Variants in RIC8B observed in about 807,000 individuals in gnomAD.
The protein encoded by RIC8B is RIC8 guanine nucleotide exchange factor B.
In RIC8B, 16 loss-of-function variants were observed where a neutral mutation model predicts 57.5. The observed-to-expected ratio is 0.28, with a 90% confidence interval of 0.19 to 0.42. The LOEUF is 0.42. Ranked by LOEUF, RIC8B falls within the 10% of genes least tolerant of loss-of-function variation. The probability of loss-of-function intolerance (pLI) is 1.00; values close to 1 mark genes in which losing one functional copy is unlikely to be tolerated. For missense variants in RIC8B, 481 were observed against 677.0 expected (o/e 0.71, Z 3.21); for synonymous variants, 216 against 250.8 (o/e 0.86, Z 1.31).
At chr12:106,799,321 G>A (rs1334467113) in intron 2 of RIC8B, among the ~76,000 whole-genome samples, 1 of 152,140 alleles carries the variant, frequency 6.6e-6, no homozygotes, top group Non-Finnish European at 1.5e-5. Context: ...GATGTAATGT[G>A]CATCAACCTC....
chr12:106,867,439 C>T lies in RIC8B; in HGVS notation c.1452-3384C>T, dbSNP rs547823676. ...ATATAATTACCCAATAAAATGTCCA[C>T]CACAATTAGTGTTCTTAAAGCATCT... On this transcript the variant is annotated intron_variant, in intron 8 of 9. Transcript: ENST00000392837. This position sits in a 1 kb window ranked among gnomAD's most constrained non-coding sequence, Gnocchi z 4.3. Among the ~76,000 whole-genome samples the T allele has an allele frequency of 4.6e-5, 7 of 152,222 alleles. No individual in the cohort carries two copies. In the South Asian group the frequency reaches 1.5e-3, roughly 32 times the overall value.
intron 9 of RIC8B, among the ~76,000 whole-genome samples, chr12:106,871,716 G>T (rs891289143): frequency 1.3e-5 from 2 of 152,108 alleles, no homozygotes; most frequent in African/African-American, 4.8e-5. Flanking sequence ...ATGCTTCTGT[G>T]TGTTGGTGGC....
chr12:106,817,334 A>G (rs1385343653), intron 3 of RIC8B, among the ~76,000 whole-genome samples: 1 of 152,190 alleles, frequency 6.6e-6, no homozygotes, highest in African/African-American at 2.4e-5. Flanking sequence ...GAGCGCACTG[A>G]TTGAGAATAC....
At chr12:106,873,093 C>A (rs957843557) in intron 9 of RIC8B, 2 of 985,130 alleles carry the variant, frequency 2.0e-6, no homozygotes, top group Non-Finnish European at 1.2e-6. Context: ...GTCTGAAATA[C>A]CCCAGCTTCC....
At chr12:106,844,510 T>C (rs1310058364) in intron 6 of RIC8B, among the ~76,000 whole-genome samples, 1 of 152,044 alleles carries the variant, frequency 6.6e-6, no homozygotes, top group African/African-American at 2.4e-5. Flanking sequence ...GAGTGGTAGA[T>C]AAAGAGAGGT....
At chr12:106,819,540 C>T (rs1593198004) in intron 3 of RIC8B, among the ~76,000 whole-genome samples, 1 of 151,764 alleles carries the variant, frequency 6.6e-6, no homozygotes, top group South Asian at 2.1e-4. Flanking sequence ...TGGCTTGAGC[C>T]CAGGAGTTTG....
At chr12:106,775,071 T>G (rs1173755482) in intron 1 of RIC8B, among the ~76,000 whole-genome samples, 1 of 152,092 alleles carries the variant, frequency 6.6e-6, no homozygotes, top group Non-Finnish European at 1.5e-5. Flanking sequence ...TGACCTCCGG[T>G]CCTCCTCTCA....
At chr12:106,870,591 T>G (rs1950360778) in intron 8 of RIC8B, among the ~76,000 whole-genome samples, 1 of 151,766 alleles carries the variant, frequency 6.6e-6, no homozygotes, top group Non-Finnish European at 1.5e-5. Flanking sequence ...AAAAAAAAGT[T>G]GGCAAGACAG....
At chr12:106,845,256 G>A (rs1009462345) in intron 6 of RIC8B, among the ~76,000 whole-genome samples, 3 of 152,096 alleles carry the variant, frequency 2.0e-5, no homozygotes, top group Non-Finnish European at 4.4e-5. Flanking sequence ...CCATTTTGAC[G>A]AGTCTACTTT....
intron 1 of RIC8B, among the ~76,000 whole-genome samples, chr12:106,781,391 C>T (rs951278288): frequency 6.6e-6 from 1 of 152,182 alleles, no homozygotes; most frequent in Non-Finnish European, 1.5e-5. Context: ...TTCCCCATTT[C>T]AGCCTTAGAA....
intron 2 of RIC8B, among the ~76,000 whole-genome samples, chr12:106,806,703 G>A (rs1317480634): frequency 4.6e-5 from 7 of 152,044 alleles, no homozygotes; most frequent in East Asian, 3.9e-4. Flanking sequence ...GGTGGTGCGC[G>A]CGTGTAATCC....
chr12:106,887,654 A>G lies in RIC8B; in HGVS notation c.*1639A>G, dbSNP rs189558943. Reference sequence around the variant, plus strand: ...TGAAGCTCACAAAAGAATGGCAAAGAAAGAGGCTGCTAGATTGAAGGCAGG... The same window carrying G: ...TGAAGCTCACAAAAGAATGGCAAAGGAAGAGGCTGCTAGATTGAAGGCAGG... On this transcript the variant is annotated 3_prime_UTR_variant, in exon 10 of 10. Transcript: ENST00000392837. 1 of 152,352 alleles carries G rather than the reference A, an allele frequency of 6.6e-6. No individual in the cohort carries two copies. The highest frequency in any genetic ancestry group is 1.9e-4 in the East Asian group (1 of 5,194). The allele number at this position is 152,352 out of a possible 1,614,324, so 9.4% of individuals were successfully genotyped here.
At chr12:106,818,976 G>C (rs1268000573) in intron 3 of RIC8B, among the ~76,000 whole-genome samples, 1 of 152,104 alleles carries the variant, frequency 6.6e-6, no homozygotes, top group African/African-American at 2.4e-5. Flanking sequence ...ATGTTGGTCA[G>C]GCTGGTCTCG....
intron 9 of RIC8B, chr12:106,874,477 A>G: frequency 6.4e-7 from 1 of 1,550,718 alleles, no homozygotes. Flanking sequence ...TTTTCCATCC[A>G]TAGGAGAGCA....
chr12:106,815,160 C>T lies in RIC8B; in HGVS notation c.597C>T (p.Ala199=). 1 of 1,614,220 alleles carries T rather than the reference C, an allele frequency of 6.2e-7. No homozygotes were observed. The highest frequency in any genetic ancestry group is 8.5e-7 in the Non-Finnish European group (1 of 1,180,044). Residue 199 remains alanine (A), a synonymous_variant, in exon 3 of 10, where the codon GCC becomes GCT. Transcript: ENST00000392837. ...LPLLTQILES[A]FSIKWTDEYE... ...TGCTAACGCAGATCTTGGAAAGTGC[C>T]TTTAGCATCAAGTGGACCGATGAGT...
chr12:106,823,661 A>G (rs567708829), intron 3 of RIC8B, among the ~76,000 whole-genome samples: 3 of 152,290 alleles, frequency 2.0e-5, no homozygotes, highest in East Asian at 3.9e-4. Flanking sequence ...TGCATTTCAC[A>G]TAGGTATTTA....
intron 7 of RIC8B, among the ~76,000 whole-genome samples, chr12:106,852,896 G>A (rs1245658618): frequency 2.0e-5 from 3 of 152,204 alleles, no homozygotes; most frequent in Non-Finnish European, 4.4e-5. Flanking sequence ...TGTAAATATT[G>A]GCTGAATTGA....
chr12:106,795,545 G>A (rs2044441220), intron 2 of RIC8B, among the ~76,000 whole-genome samples: 2 of 152,128 alleles, frequency 1.3e-5, no homozygotes, highest in South Asian at 4.2e-4. Flanking sequence ...CATAGCGTGG[G>A]GAGGGCTGGC....
intron 4 of RIC8B, among the ~76,000 whole-genome samples, chr12:106,833,182 A>G (rs1332677721): frequency 6.6e-6 from 1 of 152,212 alleles, no homozygotes; most frequent in African/African-American, 2.4e-5. Context: ...TTATTTACAT[A>G]TACCTTATAT....
Sources: allele counts gnomAD v4.1 joint callset (sites outside exome capture counted in the v4.1 genomes callset), GRCh38; gene constraint gnomAD v4.1.1; non-coding constraint Gnocchi (gnomAD v3.1); transcripts MANE v1.5; gene names NCBI Gene and HGNC (gene_info 2026-07-23, HGNC 2026-07-21).